The following SAR1B variants were observed in gnomAD, a reference collection of about 807,000 sequenced individuals.
The protein encoded by SAR1B is secretion associated Ras related GTPase 1B, also known as small COPII coat GTPase SAR1B.
In SAR1B, 23 loss-of-function variants were observed where a neutral mutation model predicts 26.8. The observed-to-expected ratio is 0.86, with a 90% confidence interval of 0.62 to 1.22. SAR1B has a LOEUF of 1.22. Ranked by LOEUF, SAR1B falls within the 50% of genes most tolerant of loss-of-function variation. The probability of loss-of-function intolerance (pLI) is 0.00; values close to 1 mark genes in which losing one functional copy is unlikely to be tolerated. For synonymous variants in SAR1B, 65 were observed against 80.8 expected, an observed-to-expected ratio of 0.80 and a Z score of 1.05; for missense variants, 196 against 232.8, an observed-to-expected ratio of 0.84 and a Z score of 1.03.
chr5:134,630,303 A>G (rs1765579298), intron 1 of SAR1B, among the ~76,000 whole-genome samples: 1 of 151,862 alleles, frequency 6.6e-6, no homozygotes, highest in East Asian at 1.9e-4. Context: ...TAAAAATACA[A>G]GATTAGCTGA....
chr5:134,621,184 T>G, intron 2 of SAR1B, 132 bp from the exon 3 acceptor site: 1 of 1,041,726 alleles, frequency 9.6e-7, no homozygotes. Flanking sequence ...TTAAATCTAT[T>G]CATGGCCGGG....
At chr5:134,628,154 GA>G (rs1207484514) in intron 1 of SAR1B, among the ~76,000 whole-genome samples, 9 of 150,876 alleles carry the variant, frequency 6.0e-5, no homozygotes, top group African/African-American at 2.2e-4. Flanking sequence ...AAAAAAAAAA[GA>G]AAAAAAATAC....
At chr5:134,611,557 CA>C (rs200733028) in intron 4 of SAR1B, among the ~76,000 whole-genome samples, 2 of 151,472 alleles carry the variant, frequency 1.3e-5, no homozygotes, top group Admixed American at 6.6e-5. Flanking sequence ...CCCATCTCTA[CA>C]AAAAAAATTT....
chr5:134,610,525 C>T (rs946291769), intron 4 of SAR1B, among the ~76,000 whole-genome samples: 15 of 142,040 alleles, frequency 1.1e-4, no homozygotes, highest in Admixed American at 7.6e-5. Flanking sequence ...CGAGATCATG[C>T]CACTGCACTC....
At chr5:134,623,611 T>A (rs1183707482) in intron 2 of SAR1B, among the ~76,000 whole-genome samples, 2 of 151,770 alleles carry the variant, frequency 1.3e-5, no homozygotes, top group African/African-American at 2.4e-5. Flanking sequence ...ATTTTAATAA[T>A]AATCCTGTAA....
intron 3 of SAR1B, chr5:134,614,418 G>A (rs1341712537): frequency 6.6e-6 from 1 of 152,160 alleles, no homozygotes; most frequent in African/African-American, 2.4e-5. Context: ...GGATTTTGTT[G>A]TAGTCTTTTG....
At chr5:134,617,976 T>C (rs1270598343) in intron 3 of SAR1B, among the ~76,000 whole-genome samples, 7 of 152,196 alleles carry the variant, frequency 4.6e-5, no homozygotes, top group Admixed American at 6.6e-5. Flanking sequence ...ATTGTTCTTA[T>C]ATCAGAATCT....
chr5:134,618,585 T>C (rs2150053355), intron 3 of SAR1B, among the ~76,000 whole-genome samples: 1 of 152,352 alleles, frequency 6.6e-6, no homozygotes, highest in African/African-American at 2.4e-5. Flanking sequence ...TTTTCACCTG[T>C]AAAAGTAAGG....
intron 1 of SAR1B, chr5:134,632,313 G>A (rs993301850): frequency 6.6e-6 from 1 of 152,208 alleles, no homozygotes; most frequent in South Asian, 2.1e-4. Context: ...ACGTTAACCA[G>A]TACTAGTAAG....
intron 1 of SAR1B, among the ~76,000 whole-genome samples, chr5:134,624,870 C>T (rs1008234893): frequency 5.3e-5 from 8 of 152,088 alleles, no homozygotes; most frequent in African/African-American, 1.7e-4. Flanking sequence ...TCAAGTGATT[C>T]GCCTGCCTCA....
In SAR1B at chr5:134,601,605, G is replaced by A. The variant is rs1222114860; in HGVS notation, c.*5345C>T. 1.3e-5 allele frequency: 2 copies of A among 152,162 alleles called. No homozygotes were observed. Among genetic ancestry groups the A allele is most frequent in the African/African-American group, 4.8e-5 (2 of 41,424 alleles). The allele number at this position is 152,162 out of a possible 1,614,324, so 9.4% of individuals were successfully genotyped here. A position where few individuals can be genotyped will look rare whatever the true frequency, so the allele number is the denominator to read the frequency against. On this transcript the variant is annotated 3_prime_UTR_variant, in exon 7 of 7. Coordinates refer to ENST00000402673, the MANE Select transcript of SAR1B (RefSeq NM_016103.4). ...AGTTCAGGTTAAGAGCAACACCAGGGAATACAGAAACCCACGTTAAGTTGG... is the reference window on the plus strand; with the variant it reads ...AGTTCAGGTTAAGAGCAACACCAGGAAATACAGAAACCCACGTTAAGTTGG...
chr5:134,606,927 C>T lies in SAR1B; in HGVS notation c.*23G>A. ...CTCTGAGTAAGCCTGAACGTTGAGA[C>T]CTGGAACCAATGTGAGTTTGTGTTA... is the stretch of plus-strand genomic sequence containing the variant. On this transcript the variant is annotated 3_prime_UTR_variant, in exon 7 of 7. Coordinates refer to ENST00000402673, the MANE Select transcript of SAR1B (RefSeq NM_016103.4). 1 of 1,485,430 alleles carries T rather than the reference C, an allele frequency of 6.7e-7. No homozygotes were observed. Among genetic ancestry groups the T allele is most frequent in the Non-Finnish European group, 9.4e-7 (1 of 1,062,546 alleles). 92.0% of individuals were successfully genotyped at this position (1,485,430 alleles called of 1,614,324 possible).
chr5:134,627,860 C>T (rs1765524089), intron 1 of SAR1B, among the ~76,000 whole-genome samples: 1 of 149,318 alleles, frequency 6.7e-6, no homozygotes, highest in African/African-American at 2.5e-5. Context: ...ACATTAAGGG[C>T]CGGGAGCAGT....
chr5:134,608,826 A>C, intron 5 of SAR1B: 1 of 384,770 alleles, frequency 2.6e-6, no homozygotes. Context: ...GACTTTGGGC[A>C]AGTTAGCCTG....
rs1368604267 is a variant in SAR1B, at chr5:134,612,853, C to T, written c.179-97G>A. 4.5e-6 allele frequency: 5 copies of T among 1,109,714 alleles called. No individual in the cohort carries two copies. In the African/African-American group the frequency reaches 8.0e-5, roughly 18 times the overall value. The allele number at this position is 1,109,714 out of a possible 1,614,324, so 68.7% of individuals were successfully genotyped here. On this transcript the variant is annotated intron_variant, in intron 3 of 6. Transcript: ENST00000402673. ...GTTCCTTTTCAAAGACTTTCCTCCC[C>T]ATCTAATTAAGAATAAATAGTAACT...
At chr5:134,609,183 G>T (rs1407015426) in intron 5 of SAR1B, 1 of 443,252 alleles carries the variant, frequency 2.3e-6, no homozygotes, top group Non-Finnish European at 4.5e-6. Flanking sequence ...TCACTCCTGG[G>T]AGTAGTGTCA....
chr5:134,620,053 T>A (rs1186318868), intron 3 of SAR1B, among the ~76,000 whole-genome samples: 1 of 151,934 alleles, frequency 6.6e-6, no homozygotes, highest in African/African-American at 2.4e-5. Context: ...ACACCTGTAA[T>A]CCCAGCACTT....
intron 4 of SAR1B, among the ~76,000 whole-genome samples, chr5:134,610,017 C>A (rs1765187536): frequency 6.6e-6 from 1 of 150,892 alleles, no homozygotes; most frequent in Admixed American, 6.7e-5. Context: ...AGTAAAAAAA[C>A]TACATATATG....
chr5:134,613,927 GT>G lies in SAR1B; in HGVS notation c.179-1172del, dbSNP rs1440138905. The G allele has an allele frequency of 2.6e-5, 4 of 152,306 alleles. No homozygotes were observed. The East Asian group carries it at 5.8e-4, about 22-fold the overall frequency. 9.4% of individuals were successfully genotyped at this position (152,306 alleles called of 1,614,324 possible). A position where few individuals can be genotyped will look rare whatever the true frequency, so the allele number is the denominator to read the frequency against. On this transcript the variant is annotated intron_variant, in intron 3 of 6. Transcript: ENST00000402673. ...TTTTCTCTCTGTGCTTCATTCTGGA[GT>G]TTCTGTTGCATTGAGTTAAGTTTAG...
Sources: allele counts gnomAD v4.1 joint callset (sites outside exome capture counted in the v4.1 genomes callset), GRCh38; gene constraint gnomAD v4.1.1; transcripts MANE v1.5; gene names NCBI Gene and HGNC (gene_info 2026-07-23, HGNC 2026-07-21).